ZNF284: variants seen among roughly 807,000 people sequenced by gnomAD.
ZNF284 encodes the protein zinc finger protein 284.
Under a neutral mutation model 12.9 loss-of-function variants are expected in ZNF284, and 12 were observed. The observed-to-expected ratio is 0.93, with a 90% confidence interval of 0.60 to 1.51. The LOEUF (loss-of-function observed/expected upper bound fraction) is 1.51. Among genes scored for constraint, ZNF284 ranks in the 40% most tolerant of loss-of-function variants. The pLI is 0.00. For missense variants in ZNF284, 667 were observed against 707.3 expected (o/e 0.94, Z 0.65); for synonymous variants, 225 against 236.5 (o/e 0.95, Z 0.45).
rs60706930 is a variant in ZNF284, at chr19:44,088,820, C to CTTTTTTT, written c.*1569_*1575dup. 4.2e-5 allele frequency: 6 copies of CTTTTTTT among 141,934 alleles called. No individual in the cohort carries two copies. Among genetic ancestry groups the CTTTTTTT allele is most frequent in the Non-Finnish European group, 1.5e-5 (1 of 65,958 alleles). 8.8% of individuals were successfully genotyped at this position (141,934 alleles called of 1,614,324 possible). Reference sequence around the variant, plus strand: ...CTGACCATTATTAGGCAAGAATTGGCTTTTTTTTTTTTTTTCTTTTGAGAC... The same window carrying CTTTTTTT: ...CTGACCATTATTAGGCAAGAATTGGCTTTTTTTTTTTTTTTTTTTTTTCTTTTGAGAC... On this transcript the variant is annotated 3_prime_UTR_variant, in exon 5 of 5. Coordinates refer to ENST00000421176, the MANE Select transcript of ZNF284 (RefSeq NM_001037813.4).
rs544877135 is a variant in ZNF284, at chr19:44,072,254, T to C, written c.-106T>C. On this transcript the variant is annotated 5_prime_UTR_variant, in exon 1 of 5. Transcript: ENST00000421176. ...ATGCTGGCTCGCAACCACCTGGAAG[T>C]TGACTAAGGGGAGAAGGAGTCTCGT... The C allele has an allele frequency of 5.3e-5, 8 of 152,328 alleles. No homozygotes were observed. The highest frequency in any genetic ancestry group is 1.9e-4 in the East Asian group (1 of 5,168). 9.4% of individuals were successfully genotyped at this position (152,328 alleles called of 1,614,324 possible). A position where few individuals can be genotyped will look rare whatever the true frequency, so the allele number is the denominator to read the frequency against.
intron 1 of ZNF284, among the ~76,000 whole-genome samples, chr19:44,072,659 T>C (rs1966963676): frequency 6.6e-6 from 1 of 152,204 alleles, no homozygotes; most frequent in Non-Finnish European, 1.5e-5. Context: ...TTCTTAGTGT[T>C]TATTTCCCAC....
intron 2 of ZNF284, among the ~76,000 whole-genome samples, chr19:44,077,602 A>G (rs548566807): frequency 7.4e-6 from 1 of 134,500 alleles, no homozygotes; most frequent in South Asian, 2.3e-4. Flanking sequence ...TGTCCATGAT[A>G]TCAGAAGATT....
chr19:44,083,494 G>T (rs1242324033), intron 4 of ZNF284, among the ~76,000 whole-genome samples: 16,903 of 61,928 alleles, frequency 0.27, 4,353 homozygotes, highest in Non-Finnish European at 0.46. Context: ...GAGAGAGAGA[G>T]AGAGAGAGGG....
chr19:44,082,068 G>T lies in ZNF284; in HGVS notation c.198G>T (p.Trp66Cys). 2 of 1,613,004 alleles carry T rather than the reference G, an allele frequency of 1.2e-6. No individual in the cohort carries two copies. Among genetic ancestry groups the T allele is most frequent in the South Asian group, 2.2e-5 (2 of 91,036 alleles). The change falls in exon 4 of 5, where the codon TGG (tryptophan) becomes TGT (cysteine). Residue 66 changes from tryptophan to cysteine, a missense_variant. By Grantham distance (215) the Trp-to-Cys change is radical. Transcript: ENST00000421176. ...ACTTCCAAAGAGAAGAAAAGTTTTG[G>T]ATCATGGAGACAGCAACCCAAAGAG... ...TFHFQREEKF[W>C]IMETATQREG...
chr19:44,074,680 T>A lies in ZNF284; in HGVS notation c.-68-1642T>A, dbSNP rs143556532. On this transcript the variant is annotated intron_variant, in intron 1 of 4. Coordinates refer to ENST00000421176, the MANE Select transcript of ZNF284 (RefSeq NM_001037813.4). ...ATAACATGCTAGATACTATTAGATA[T>A]TATACTGGCTAGGCATGGTGGCTTA... 9.5e-4 allele frequency among the ~76,000 whole-genome samples: 145 copies of A among 152,146 alleles called. 1 individual carries two copies. Among genetic ancestry groups the A allele is most frequent in the Middle Eastern group, 6.8e-3 (2 of 294 alleles).
chr19:44,081,445 C>G (rs554032990), intron 3 of ZNF284, among the ~76,000 whole-genome samples: 51 of 152,178 alleles, frequency 3.4e-4, no homozygotes, highest in African/African-American at 1.1e-3. Context: ...GGCGCGGTGG[C>G]TCATGCCTGT....
Position 44,087,592 on chromosome 19 carries a change from CTTTTTTTTTTT to C in ZNF284, c.*348_*358del, listed in dbSNP as rs924151303. The C allele has an allele frequency of 2.0e-5, 2 of 98,780 alleles. No individual in the cohort carries two copies. Among genetic ancestry groups the C allele is most frequent in the Admixed American group, 2.1e-4 (2 of 9,356 alleles). The allele number at this position is 98,780 out of a possible 1,614,324, so 6.1% of individuals were successfully genotyped here. On this transcript the variant is annotated 3_prime_UTR_variant, in exon 5 of 5. Transcript: ENST00000421176. ...TAATTGCTATGCCATGCTGCTTCTG[CTTTTTTTTTTT>C]TTTTTTTTTTTTTTTGAGAACAGAG...
In ZNF284 at chr19:44,087,742, C is replaced by T. The variant is rs1045159028; in HGVS notation, c.*482C>T. 2 of 150,014 alleles carry T rather than the reference C, an allele frequency of 1.3e-5. No individual in the cohort carries two copies. The highest frequency in any genetic ancestry group is 2.9e-5 in the Non-Finnish European group (2 of 67,976). 9.3% of individuals were successfully genotyped at this position (150,014 alleles called of 1,614,324 possible). On this transcript the variant is annotated 3_prime_UTR_variant, in exon 5 of 5. Coordinates refer to ENST00000421176, the MANE Select transcript of ZNF284 (RefSeq NM_001037813.4). ...GAGTAGCAGGGATTACAGGCACGCACCACCACGCCCAGCTAATTTTTGTAC... is the reference window on the plus strand; with the variant it reads ...GAGTAGCAGGGATTACAGGCACGCATCACCACGCCCAGCTAATTTTTGTAC...
At chr19:44,076,923 G>A (rs1329430896) in intron 2 of ZNF284, among the ~76,000 whole-genome samples, 2 of 151,284 alleles carry the variant, frequency 1.3e-5, no homozygotes, top group Non-Finnish European at 2.9e-5. Context: ...GGGTTCAAGC[G>A]ATTCTCCTGC....
At chr19:44,075,594 T>TTATGGGGAG (rs1269500286) in intron 1 of ZNF284, among the ~76,000 whole-genome samples, 1 of 152,240 alleles carries the variant, frequency 6.6e-6, no homozygotes, top group East Asian at 1.9e-4. Context: ...ATAAAGTTCC[T>TTATGGGGAG]TATGGGGAGA....
intron 2 of ZNF284, among the ~76,000 whole-genome samples, chr19:44,077,652 A>G (rs1265646247): frequency 6.6e-6 from 1 of 151,310 alleles, no homozygotes; most frequent in African/African-American, 2.4e-5. Context: ...TGTTCCTCAG[A>G]ACAGCTGAAT....
At position 44,081,134 on chromosome 19, in the gene ZNF284, A is replaced by C. The variant is rs539001918; in HGVS notation, c.135A>C (p.Leu45=). ...TGCTGGAGAACTTCAGAAACCTGCTATCAGTGGGTGAGCACAGGCACCCTC... is the reference window on the plus strand; with the variant it reads ...TGCTGGAGAACTTCAGAAACCTGCTCTCAGTGGGTGAGCACAGGCACCCTC... ...DVMLENFRNL[L]SVGHQLSHRD... is the part of the protein sequence containing the mutation. Residue 45 remains leucine, a synonymous_variant, in exon 3 of 5, where the codon CTA becomes CTC. Transcript: ENST00000421176. The C allele has an allele frequency of 6.2e-7, 1 of 1,611,646 alleles. No homozygotes were observed. The highest frequency in any genetic ancestry group is 8.5e-7 in the Non-Finnish European group (1 of 1,178,446).
chr19:44,083,175 C>T (rs1967154766), intron 4 of ZNF284, among the ~76,000 whole-genome samples: 1 of 151,996 alleles, frequency 6.6e-6, no homozygotes, highest in Non-Finnish European at 1.5e-5. Flanking sequence ...TGGCTCATGC[C>T]TGTAATCCCA....
intron 1 of ZNF284, 27 bp from the exon 2 acceptor site, chr19:44,076,295 T>A: frequency 1.5e-6 from 2 of 1,318,586 alleles, no homozygotes; most frequent in Admixed American, 2.2e-5. Flanking sequence ...CTCTTTTTTT[T>A]TTTTTGCCTT....
At chr19:44,085,091 C>T (rs1967208905) in intron 4 of ZNF284, 1 of 152,346 alleles carries the variant, frequency 6.6e-6, no homozygotes, top group African/African-American at 2.4e-5. Context: ...AGGGCTACCT[C>T]CCTTCGCTCT....
Position 44,082,106 on chromosome 19 carries a change from G to A in ZNF284, c.235+1G>A, listed in dbSNP as rs772869984. ...GCAACCCAAAGAGAAGGGAATTCAG[G>A]TAAGAACCAAGCAACGATGCATCCT... On this transcript the variant is annotated splice_donor_variant, in intron 4 of 4. Coordinates refer to ENST00000421176, the MANE Select transcript of ZNF284 (RefSeq NM_001037813.4). LOFTEE classifies it high-confidence loss of function. 20 of 1,611,654 alleles carry A rather than the reference G, an allele frequency of 1.2e-5. No homozygotes were observed. In the Admixed American group the frequency reaches 3.2e-4, roughly 26 times the overall value.
chr19:44,076,339 CTT>C lies in ZNF284; in HGVS notation c.-50_-49del. ...TGTTTCAGGCACAATTCTGTCTTCT[CTT>C]GAACTGCATAACTGAGAACTCTGCA... is the stretch of plus-strand genomic sequence containing the variant. On this transcript the variant is annotated 5_prime_UTR_variant, in exon 2 of 5. Coordinates refer to ENST00000421176, the MANE Select transcript of ZNF284 (RefSeq NM_001037813.4). 1.3e-6 allele frequency: 2 copies of C among 1,580,188 alleles called. No homozygotes were observed. Among genetic ancestry groups the C allele is most frequent in the Non-Finnish European group, 1.7e-6 (2 of 1,159,664 alleles).
intron 4 of ZNF284, among the ~76,000 whole-genome samples, chr19:44,082,845 G>T (rs1250223953): frequency 6.6e-6 from 1 of 152,036 alleles, no homozygotes; most frequent in Non-Finnish European, 1.5e-5. Flanking sequence ...GGTCACTCCT[G>T]CATAATCTAG....
Sources: allele counts gnomAD v4.1 joint callset (sites outside exome capture counted in the v4.1 genomes callset), GRCh38; gene constraint gnomAD v4.1.1; transcripts MANE v1.5; gene names NCBI Gene and HGNC (gene_info 2026-07-23, HGNC 2026-07-21).